KLHL1: variants seen among roughly 807,000 people sequenced by gnomAD.
The protein encoded by KLHL1 is kelch-like protein 1.
Under a neutral mutation model 77.7 loss-of-function variants are expected in KLHL1, and 47 were observed. The observed-to-expected ratio is 0.60, with a 90% CI of 0.48 to 0.77. The LOEUF is 0.77. Among genes scored for constraint, KLHL1 ranks in the 30% least tolerant of loss-of-function variants. The pLI is 0.00. For synonymous variants in KLHL1, 360 were observed against 325.2 expected, an observed-to-expected ratio of 1.11 and a Z score of -1.15; for missense variants, 925 against 910.8, an observed-to-expected ratio of 1.02 and a Z score of -0.20.
At chr13:69,839,580 A>G (rs1879161726) in intron 5 of KLHL1, among the ~76,000 whole-genome samples, 1 of 152,036 alleles carries the variant, frequency 6.6e-6, no homozygotes, top group Admixed American at 6.6e-5. Flanking sequence ...TCATATATTT[A>G]ATTTAAAATG....
chr13:70,056,321 G>A (rs1335964924), intron 1 of KLHL1, among the ~76,000 whole-genome samples: 1 of 151,860 alleles, frequency 6.6e-6, no homozygotes, highest in Admixed American at 6.6e-5. Context: ...CTGAATACTG[G>A]GACACCCAGA....
chr13:69,794,241 G>C (rs963836878), intron 7 of KLHL1, among the ~76,000 whole-genome samples: 1 of 152,154 alleles, frequency 6.6e-6, no homozygotes. Context: ...AGCGAAGTCA[G>C]CTTACAGGCT....
intron 1 of KLHL1, among the ~76,000 whole-genome samples, chr13:69,996,910 ATTTTTTTTTTTTT>A (rs10549532): frequency 5.2e-4 from 37 of 71,238 alleles, no homozygotes; most frequent in African/African-American, 1.3e-3. Context: ...TATTCATTAA[ATTTTTTTTTTTTT>A]TTTTTTTTTT....
At chr13:70,094,521 A>C (rs1472253543) in intron 1 of KLHL1, among the ~76,000 whole-genome samples, 1 of 151,888 alleles carries the variant, frequency 6.6e-6, no homozygotes, top group African/African-American at 2.4e-5. Flanking sequence ...CGTAGACTAA[A>C]ATAAAAAATT....
At chr13:69,863,462 A>G (rs987616245) in intron 5 of KLHL1, among the ~76,000 whole-genome samples, 4 of 141,440 alleles carry the variant, frequency 2.8e-5, no homozygotes, top group Admixed American at 2.8e-4. Flanking sequence ...TGTTGAATGA[A>G]TTCTGAATAG....
chr13:70,075,735 G>T (rs1206871981), intron 1 of KLHL1, among the ~76,000 whole-genome samples: 2 of 125,148 alleles, frequency 1.6e-5, no homozygotes, highest in African/African-American at 3.0e-5. Context: ...ACACATAGGT[G>T]TATATATATA....
At chr13:70,083,842 T>C (rs1471588905) in intron 1 of KLHL1, among the ~76,000 whole-genome samples, 2 of 152,092 alleles carry the variant, frequency 1.3e-5, no homozygotes, top group African/African-American at 4.8e-5. Flanking sequence ...AACACCACAT[T>C]ATACCCCATA....
At chr13:69,755,511 A>G (rs1874672274) in intron 7 of KLHL1, among the ~76,000 whole-genome samples, 1 of 152,098 alleles carries the variant, frequency 6.6e-6, no homozygotes, top group East Asian at 1.9e-4. Context: ...TTAAAATATT[A>G]CTTATGTAGT....
chr13:69,815,200 T>C (rs1197907188), intron 6 of KLHL1, among the ~76,000 whole-genome samples: 7 of 152,202 alleles, frequency 4.6e-5, no homozygotes, highest in African/African-American at 1.4e-4. Flanking sequence ...ATCTCATTAC[T>C]GGGTATATAC....
chr13:69,735,680 T>C (rs2137921682), intron 8 of KLHL1, among the ~76,000 whole-genome samples: 1 of 151,452 alleles, frequency 6.6e-6, no homozygotes, highest in East Asian at 1.9e-4. Flanking sequence ...AGAGTAATTT[T>C]AAAAGATAAA....
chr13:69,767,252 T>C (rs1045207470), intron 7 of KLHL1, among the ~76,000 whole-genome samples: 2 of 152,086 alleles, frequency 1.3e-5, no homozygotes, highest in African/African-American at 2.4e-5. Context: ...GATGTAAAAA[T>C]TCAAAAAAAA....
intron 3 of KLHL1, among the ~76,000 whole-genome samples, chr13:69,955,819 G>T (rs1883846996): frequency 6.8e-6 from 1 of 146,732 alleles, no homozygotes; most frequent in African/African-American, 2.5e-5. Flanking sequence ...ATCAATATTT[G>T]CTGTTATCAA....
chr13:69,880,165 T>G (rs1224345231), intron 5 of KLHL1, among the ~76,000 whole-genome samples: 1 of 152,176 alleles, frequency 6.6e-6, no homozygotes, highest in African/African-American at 2.4e-5. Context: ...CTATGGACTT[T>G]GAAAATCACT....
intron 4 of KLHL1, among the ~76,000 whole-genome samples, chr13:69,893,215 T>C (rs1243634066): frequency 6.6e-6 from 1 of 151,766 alleles, no homozygotes; most frequent in African/African-American, 2.4e-5. Context: ...ATTCTCTTGG[T>C]AGCTACATAA....
At chr13:69,951,748 AC>A (rs1286197153) in intron 3 of KLHL1, among the ~76,000 whole-genome samples, 1 of 151,258 alleles carries the variant, frequency 6.6e-6, no homozygotes, top group Non-Finnish European at 1.5e-5. Context: ...CCTTGCTGCT[AC>A]CATTATGGGT....
At chr13:69,917,354 A>T (rs916813616) in intron 4 of KLHL1, among the ~76,000 whole-genome samples, 6 of 152,158 alleles carry the variant, frequency 3.9e-5, no homozygotes, top group Non-Finnish European at 5.9e-5. Context: ...GAGAATTTTT[A>T]AAAATGTACA....
At chr13:69,749,229 T>C (rs910528592) in intron 7 of KLHL1, among the ~76,000 whole-genome samples, 4 of 152,024 alleles carry the variant, frequency 2.6e-5, no homozygotes, top group Non-Finnish European at 4.4e-5. Context: ...AATATCTTTA[T>C]AGATGCAGCA....
intron 1 of KLHL1, among the ~76,000 whole-genome samples, chr13:69,987,028 T>G (rs1341945748): frequency 6.6e-6 from 1 of 151,946 alleles, no homozygotes; most frequent in Admixed American, 6.6e-5. Context: ...TATATGTTTA[T>G]ACATATATAG....
intron 1 of KLHL1, among the ~76,000 whole-genome samples, chr13:70,102,459 C>T (rs190527944): frequency 9.9e-4 from 150 of 152,248 alleles, no homozygotes; most frequent in Admixed American, 1.9e-3. Context: ...TTTTCCATCA[C>T]TGTCAATTTA....
Sources: gnomAD v4.1 joint callset for allele counts (sites outside exome capture counted in the v4.1 genomes callset) on GRCh38, gnomAD v4.1.1 for gene constraint, MANE v1.5 for transcripts, NCBI Gene and HGNC (gene_info 2026-07-23, HGNC 2026-07-21) for gene names.